The following DENND2B variants were observed in gnomAD, a reference collection of about 807,000 sequenced individuals.
DENND2B encodes DENN domain-containing protein 2B.
DENND2B carries 32 observed loss-of-function variants against 116.0 expected under a neutral mutation model. The ratio of observed to expected loss-of-function variants is 0.28; its 90% CI spans 0.21 to 0.37. The LOEUF (loss-of-function observed/expected upper bound fraction) is 0.37. Among genes scored for constraint, DENND2B ranks in the 10% least tolerant of loss-of-function variants. DENND2B has a pLI of 1.00. For synonymous variants in DENND2B, 588 were observed against 583.9 expected, an observed-to-expected ratio of 1.01 and a Z score of -0.10; for missense variants, 1,276 against 1,477.7, an observed-to-expected ratio of 0.86 and a Z score of 2.24.
chr11:8,776,308 A>G, intron 1 of DENND2B: 6 of 448,190 alleles, frequency 1.3e-5, no homozygotes, highest in South Asian at 9.6e-5. Flanking sequence ...CTCTCTGCTT[A>G]TCCAACTCCT....
intron 6 of DENND2B, 46 bp downstream of exon 6, chr11:8,715,557 C>CCCG (rs1186907206): frequency 1.9e-6 from 3 of 1,594,540 alleles, no homozygotes; most frequent in Non-Finnish European, 2.6e-6. Flanking sequence ...TGGCTGCCTG[C>CCCG]CCGCCCACCT....
chr11:8,739,424 C>T (rs2049782677), intron 2 of DENND2B, among the ~76,000 whole-genome samples: 1 of 152,258 alleles, frequency 6.6e-6, no homozygotes, highest in South Asian at 2.1e-4. Flanking sequence ...AGTGTCCTCA[C>T]ACACCAGCTG....
intron 1 of DENND2B, among the ~76,000 whole-genome samples, chr11:8,756,339 G>A (rs183650268): frequency 5.8e-4 from 88 of 152,346 alleles, no homozygotes; most frequent in Non-Finnish European, 4.6e-4. Context: ...GAGAAATGTA[G>A]TTGACTCTGA....
intron 2 of DENND2B, among the ~76,000 whole-genome samples, chr11:8,737,912 T>TG (rs1204378482): frequency 1.6e-5 from 2 of 128,674 alleles, no homozygotes; most frequent in African/African-American, 2.6e-5. Context: ...CAGGTCCAGC[T>TG]AATTTTTTTT....
chr11:8,796,056 T>A (rs1047293875), intron 1 of DENND2B, among the ~76,000 whole-genome samples: 36 of 152,206 alleles, frequency 2.4e-4, no homozygotes, highest in African/African-American at 8.7e-4. Context: ...TAGCAATCTA[T>A]GCTAAATCTG....
rs1745193103 is a variant in DENND2B, at chr11:8,693,765, T to A, written c.*331A>T. 3.6e-6 allele frequency: 1 copy of A among 280,710 alleles called. No homozygotes were observed. Among genetic ancestry groups the A allele is most frequent in the Admixed American group, 5.1e-5 (1 of 19,706 alleles). 17.4% of individuals were successfully genotyped at this position (280,710 alleles called of 1,614,324 possible). ...CTCCAGGGAAGATCAGTGGTTTGGC[T>A]GAGACAGTCAGCTGCACAAAACTGG... On this transcript the variant is annotated 3_prime_UTR_variant, in exon 20 of 20. Transcript: ENST00000313726.
At chr11:8,696,068 A>C in intron 18 of DENND2B, 1 of 278,452 alleles carries the variant, frequency 3.6e-6, no homozygotes, top group Non-Finnish European at 6.8e-6. Context: ...CTGTAAGGGA[A>C]TTCCCAACCA....
At chr11:8,736,104 C>A (rs1466894225) in intron 2 of DENND2B, among the ~76,000 whole-genome samples, 1 of 152,222 alleles carries the variant, frequency 6.6e-6, no homozygotes, top group East Asian at 1.9e-4. Context: ...CAGCTCCTTG[C>A]TAGCCTTCTC....
chr11:8,749,833 T>C (rs1223770505), intron 2 of DENND2B, among the ~76,000 whole-genome samples: 1 of 152,184 alleles, frequency 6.6e-6, no homozygotes, highest in Admixed American at 6.5e-5. Context: ...ACAGCTTTAA[T>C]AAAAAAGACT....
chr11:8,768,678 C>G (rs1593396287), intron 1 of DENND2B: 1 of 152,350 alleles, frequency 6.6e-6, no homozygotes, highest in Non-Finnish European at 1.5e-5. Flanking sequence ...TATACTTTCT[C>G]CCTTTTCCCA....
At position 8,882,726 on chromosome 11, in the gene DENND2B, G is replaced by C. The variant is rs141206062; in HGVS notation, c.-255-1617C>G. 2.5e-3 allele frequency among the ~76,000 whole-genome samples: 374 copies of C among 152,292 alleles called. 1 individual carries two copies. The highest frequency in any genetic ancestry group is 7.8e-3 in the African/African-American group (324 of 41,558). On this transcript the variant is annotated intron_variant, in intron 1 of 22. Coordinates refer to the DENND2B transcript ENST00000534127. Reference sequence around the variant, plus strand: ...TTTTTGGTTGGGCACTGTGGTTCATGCCTGTGATCCCAGCACTTTGGGAGG... The same window carrying C: ...TTTTTGGTTGGGCACTGTGGTTCATCCCTGTGATCCCAGCACTTTGGGAGG...
chr11:8,768,561 T>A (rs1376807244), intron 1 of DENND2B, among the ~76,000 whole-genome samples: 1 of 152,208 alleles, frequency 6.6e-6, no homozygotes, highest in Non-Finnish European at 1.5e-5. Flanking sequence ...TATTTTCTAA[T>A]GTGGTTTGTA....
chr11:8,888,648 T>G (rs1333184237), intron 1 of DENND2B, among the ~76,000 whole-genome samples: 1 of 152,108 alleles, frequency 6.6e-6, no homozygotes, highest in Non-Finnish European at 1.5e-5. Flanking sequence ...ACCCACAGAA[T>G]GAGAGATATT....
Position 8,757,800 on chromosome 11 carries a change from C to T in DENND2B, c.-25-7075G>A, listed in dbSNP as rs1448640397. 2.0e-5 allele frequency among the ~76,000 whole-genome samples: 3 copies of T among 152,296 alleles called. No homozygotes were observed. The East Asian group carries it at 5.8e-4, about 29-fold the overall frequency. On this transcript the variant is annotated intron_variant, in intron 1 of 19. Coordinates refer to ENST00000313726, the MANE Select transcript of DENND2B (RefSeq NM_213618.2). ...CTAGAAAGGGGCAGGGATTTATGAC[C>T]AGGTGGCCTGCACCAGCTCTGGGCC...
intron 2 of DENND2B, chr11:8,870,762 T>G (rs1188657890): frequency 6.6e-6 from 1 of 152,066 alleles, no homozygotes; most frequent in Non-Finnish European, 1.5e-5. Flanking sequence ...CGGCGGCTAC[T>G]GACCGCCCGG....
intron 4 of DENND2B, among the ~76,000 whole-genome samples, chr11:8,832,095 C>T (rs888198598): frequency 1.4e-4 from 21 of 152,158 alleles, no homozygotes; most frequent in Admixed American, 2.6e-4. Context: ...TCTCCTCCTA[C>T]CCCTCACCCC....
upstream of DENND2B, among the ~76,000 whole-genome samples, chr11:8,872,255 G>A (rs1412272258): frequency 2.6e-5 from 4 of 152,146 alleles, no homozygotes; most frequent in Admixed American, 1.3e-4. Context: ...TGGAGGCCAA[G>A]GTGGGCGGAT....
intron 1 of DENND2B, among the ~76,000 whole-genome samples, chr11:8,791,645 T>C (rs936726801): frequency 2.6e-5 from 4 of 151,936 alleles, no homozygotes; most frequent in African/African-American, 9.7e-5. Flanking sequence ...CATGTGCCTG[T>C]AGTCCCACCT....
At chr11:8,817,913 G>A (rs1358408175) in intron 4 of DENND2B, among the ~76,000 whole-genome samples, 1 of 151,674 alleles carries the variant, frequency 6.6e-6, no homozygotes, top group Admixed American at 6.6e-5. Context: ...AGGAAAGACT[G>A]GATCAAGGAA....
Sources: allele counts gnomAD v4.1 joint callset (sites outside exome capture counted in the v4.1 genomes callset), GRCh38; gene constraint gnomAD v4.1.1; transcripts MANE v1.5; gene names NCBI Gene and HGNC (gene_info 2026-07-23, HGNC 2026-07-21).